The following MTMR6 variants were observed in gnomAD, a reference collection of about 807,000 sequenced individuals.
MTMR6 encodes myotubularin related protein 6.
Under a neutral mutation model 80.1 loss-of-function variants are expected in MTMR6, and 47 were observed. The ratio of observed to expected loss-of-function variants is 0.59; its 90% CI spans 0.46 to 0.75. MTMR6 has a LOEUF of 0.75. Ranked by LOEUF, MTMR6 falls within the 30% of genes least tolerant of loss-of-function variation. The probability of loss-of-function intolerance (pLI) is 0.00; values close to 1 mark genes in which losing one functional copy is unlikely to be tolerated. For synonymous variants in MTMR6, 254 were observed against 253.0 expected, an observed-to-expected ratio of 1.00 and a Z score of -0.04; for missense variants, 629 against 730.9, an observed-to-expected ratio of 0.86 and a Z score of 1.61.
intron 6 of MTMR6, 29 bp from the exon 7 acceptor site, chr13:25,258,721 G>C: frequency 1.3e-6 from 2 of 1,493,026 alleles, no homozygotes; most frequent in Non-Finnish European, 1.8e-6. Flanking sequence ...GAAATTTAGA[G>C]ACAAATTACT....
intron 11 of MTMR6, among the ~76,000 whole-genome samples, chr13:25,253,482 G>A (rs1957130259): frequency 6.6e-6 from 1 of 152,154 alleles, no homozygotes; most frequent in Admixed American, 6.5e-5. Context: ...TGGTTACATA[G>A]GTGTGTGAGT....
chr13:25,266,809 G>A (rs1957465876), intron 3 of MTMR6, among the ~76,000 whole-genome samples: 1 of 152,162 alleles, frequency 6.6e-6, no homozygotes, highest in African/African-American at 2.4e-5. Flanking sequence ...GATGTTACAG[G>A]CTGATGTGCT....
intron 5 of MTMR6, among the ~76,000 whole-genome samples, chr13:25,262,808 A>T (rs1957368757): frequency 6.6e-6 from 1 of 152,274 alleles, no homozygotes; most frequent in Non-Finnish European, 1.5e-5. Context: ...ATATGATAAA[A>T]CAGTAGAAAA....
At chr13:25,255,362 T>C (rs1957177694) in intron 9 of MTMR6, among the ~76,000 whole-genome samples, 1 of 152,220 alleles carries the variant, frequency 6.6e-6, no homozygotes, top group East Asian at 1.9e-4. Context: ...AAAGCATAAC[T>C]CAATATCTTT....
chr13:25,249,072 T>C lies in MTMR6; in HGVS notation c.*160A>G. On this transcript the variant is annotated 3_prime_UTR_variant, in exon 14 of 14. Transcript: ENST00000381801. ...CTGGAAATGCAATTAAAATGACTTA[T>C]TTCTCTCACAAGGGTAGTTATTATC... The C allele has an allele frequency of 1.5e-6, 1 of 675,348 alleles. No homozygotes were observed. The allele number at this position is 675,348 out of a possible 1,614,324, so 41.8% of individuals were successfully genotyped here.
Position 25,247,975 on chromosome 13 carries a change from T to C in MTMR6, c.*1257A>G, listed in dbSNP as rs1470967002. On this transcript the variant is annotated 3_prime_UTR_variant, in exon 14 of 14. Transcript: ENST00000381801. ...TTTTGGGGTTTTTATGTTTTGTTTC[T>C]TGTTTTTTGGTAATTTAAAGATATG... 2 of 152,154 alleles carry C rather than the reference T, an allele frequency of 1.3e-5. No individual in the cohort carries two copies. The highest frequency in any genetic ancestry group is 4.8e-5 in the African/African-American group (2 of 41,462). The allele number at this position is 152,154 out of a possible 1,614,324, so 9.4% of individuals were successfully genotyped here.
intron 1 of MTMR6, among the ~76,000 whole-genome samples, chr13:25,276,679 T>C: frequency 6.6e-6 from 1 of 152,182 alleles, no homozygotes; most frequent in East Asian, 1.9e-4. Context: ...CCATTCTCTA[T>C]AGGAATCTTA....
At chr13:25,250,127 AAAGATGACT>A (rs534836881) in intron 13 of MTMR6, among the ~76,000 whole-genome samples, 2 of 152,294 alleles carry the variant, frequency 1.3e-5, no homozygotes, top group African/African-American at 4.8e-5. Context: ...TCTTTATCTA[AAAGATGACT>A]AAGGGAGACT....
At chr13:25,260,105 T>C (rs12427505) in intron 6 of MTMR6, among the ~76,000 whole-genome samples, 10,273 of 151,690 alleles carry the variant, frequency 0.068, 419 homozygotes, top group Admixed American at 0.095. Flanking sequence ...TCAGGTGATC[T>C]ACCCACCTTA....
intron 2 of MTMR6, among the ~76,000 whole-genome samples, chr13:25,268,875 G>A (rs984182507): frequency 6.6e-6 from 1 of 152,104 alleles, no homozygotes. Context: ...TGCTCTTGGG[G>A]GCCTAGGAAA....
chr13:25,279,484 T>C lies in MTMR6; in HGVS notation c.25-5297A>G, dbSNP rs150237397. 1.9e-3 allele frequency among the ~76,000 whole-genome samples: 291 copies of C among 152,314 alleles called. 3 individuals carry two copies. Among genetic ancestry groups the C allele is most frequent in the African/African-American group, 6.3e-3 (260 of 41,558 alleles). The stretch of plus-strand genomic sequence containing the variant: ...GTTGTTCTTTATAGCAGTGTGAAAA[T>C]GGACTAATACAGGTACTTTATTTGC... On this transcript the variant is annotated intron_variant, in intron 1 of 13. Transcript: ENST00000381801.
At position 25,261,303 on chromosome 13, in the gene MTMR6, TAAAAAAAAAAAAAA is replaced by T. The variant is rs56833434; in HGVS notation, c.726+351_726+364del. ...AGGGTGACAGAGTGCAACTCTGTCT[TAAAAAAAAAAAAAA>T]AAAAAAAAAAAAAAAAGAATAGTAA... On this transcript the variant is annotated intron_variant, in intron 6 of 13. Coordinates refer to ENST00000381801, the MANE Select transcript of MTMR6 (RefSeq NM_004685.5). Among the ~76,000 whole-genome samples, 374 of 40,892 alleles carry T rather than the reference TAAAAAAAAAAAAAA, an allele frequency of 9.1e-3. 5 individuals carry two copies. The highest frequency in any genetic ancestry group is 0.031 in the African/African-American group (359 of 11,542). The allele number at this position is 40,892 out of a possible 152,430, so 26.8% of individuals were successfully genotyped here.
chr13:25,284,717 G>A (rs1203559055), intron 1 of MTMR6, among the ~76,000 whole-genome samples: 3 of 152,112 alleles, frequency 2.0e-5, no homozygotes, highest in East Asian at 1.9e-4. Flanking sequence ...TATGCATAAT[G>A]GAAACAAAAG....
chr13:25,276,369 G>GA (rs1274793510), intron 1 of MTMR6, among the ~76,000 whole-genome samples: 1 of 152,134 alleles, frequency 6.6e-6, no homozygotes, highest in African/African-American at 2.4e-5. Flanking sequence ...TAGCTTCTCA[G>GA]AAAAAATTAA....
In MTMR6 at chr13:25,254,367, T is replaced by G; in HGVS notation, c.1145+18A>C. On this transcript the variant is annotated intron_variant, in intron 10 of 13. Coordinates refer to ENST00000381801, the MANE Select transcript of MTMR6 (RefSeq NM_004685.5). ...TTACTAATTTTATAAAATATATGAC[T>G]GTGTAACTGTGACTCACCTCTCTGA... 1 of 1,533,662 alleles carries G rather than the reference T, an allele frequency of 6.5e-7. No homozygotes were observed. The highest frequency in any genetic ancestry group is 2.3e-5 in the East Asian group (1 of 44,388).
chr13:25,266,177 T>G lies in MTMR6; in HGVS notation c.414A>C (p.Gly138=), dbSNP rs1418525201. The G allele has an allele frequency of 6.2e-7, 1 of 1,614,036 alleles. No homozygotes were observed. The highest frequency in any genetic ancestry group is 8.5e-7 in the Non-Finnish European group (1 of 1,180,038). ...IDLAEEYKRM[G]VPNSHWQLSD... is the part of the protein sequence containing the mutation. ...ACAACTGCCAGTGTGAGTTTGGCAC[T>G]CCCATCCTCTTATATTCCTCAGCGA... Residue 138 remains glycine (G), a synonymous_variant, in exon 4 of 14, where the codon GGA becomes GGC. Transcript: ENST00000381801.
At chr13:25,253,123 AC>A (rs1431851726) in intron 11 of MTMR6, among the ~76,000 whole-genome samples, 2 of 151,946 alleles carry the variant, frequency 1.3e-5, no homozygotes, top group Non-Finnish European at 2.9e-5. Context: ...TTAGGCAAAA[AC>A]CCCTATCCCC....
At chr13:25,278,324 G>A (rs1957770942) in intron 1 of MTMR6, among the ~76,000 whole-genome samples, 2 of 152,192 alleles carry the variant, frequency 1.3e-5, no homozygotes, top group African/African-American at 4.8e-5. Context: ...CGGGTGTGGT[G>A]GCTCACGCCT....
intron 13 of MTMR6, among the ~76,000 whole-genome samples, chr13:25,250,874 T>C (rs1957070236): frequency 6.6e-6 from 1 of 152,220 alleles, no homozygotes; most frequent in Admixed American, 6.5e-5. Context: ...ACAAACATTA[T>C]AGATAGTCTT....
Sources: allele counts gnomAD v4.1 joint callset (sites outside exome capture counted in the v4.1 genomes callset), GRCh38; gene constraint gnomAD v4.1.1; transcripts MANE v1.5; gene names NCBI Gene and HGNC (gene_info 2026-07-23, HGNC 2026-07-21).